Variants in BBS9 observed in about 807,000 individuals in gnomAD.
BBS9 encodes protein PTHB1.
A neutral mutation model predicts 117.7 loss-of-function variants in BBS9; 89 were observed. The observed-to-expected ratio is 0.76, with a 90% CI of 0.64 to 0.90. BBS9 has a LOEUF of 0.90. Among genes scored for constraint, BBS9 ranks in the 40% least tolerant of loss-of-function variants. The pLI, the probability that BBS9 is intolerant of heterozygous loss-of-function variation, is 0.00. For missense variants in BBS9, 982 were observed against 1,042.2 expected, an observed-to-expected ratio of 0.94 and a Z score of 0.80; for synonymous variants, 379 against 370.9, an observed-to-expected ratio of 1.02 and a Z score of -0.25.
At chr7:33,360,236 A>G (rs949982600) in intron 16 of BBS9, among the ~76,000 whole-genome samples, 2 of 152,068 alleles carry the variant, frequency 1.3e-5, no homozygotes, top group Non-Finnish European at 2.9e-5. Context: ...ATTATAGTTT[A>G]TTTGATGAAT....
intron 21 of BBS9, among the ~76,000 whole-genome samples, chr7:33,601,701 C>A (rs1863822485): frequency 6.6e-6 from 1 of 152,070 alleles, no homozygotes; most frequent in African/African-American, 2.4e-5. Flanking sequence ...AATTTGTGGA[C>A]TTACCTCCCA....
At chr7:33,209,277 A>T (rs1787561095) in intron 5 of BBS9, among the ~76,000 whole-genome samples, 1 of 152,196 alleles carries the variant, frequency 6.6e-6, no homozygotes, top group Non-Finnish European at 1.5e-5. Flanking sequence ...ACAGGATCTC[A>T]TTCTTTTTAT....
intron 20 of BBS9, among the ~76,000 whole-genome samples, chr7:33,524,398 A>T (rs1007472897): frequency 1.8e-4 from 28 of 152,160 alleles, no homozygotes; most frequent in Admixed American, 3.9e-4. Context: ...TTTGGTTGGT[A>T]AACTATTGAT....
At chr7:33,409,195 A>G (rs117616226) in intron 19 of BBS9, among the ~76,000 whole-genome samples, 1,539 of 152,152 alleles carry the variant, frequency 0.01, 8 homozygotes, top group Non-Finnish European at 0.018. Flanking sequence ...TTTTGTTGCA[A>G]TTGTGTTTGA....
At chr7:33,336,192 A>G (rs1584386150) in intron 9 of BBS9, among the ~76,000 whole-genome samples, 2 of 152,206 alleles carry the variant, frequency 1.3e-5, no homozygotes, top group Admixed American at 6.5e-5. Context: ...TAGGTCCCCA[A>G]AAGTGGTAGC....
chr7:33,471,941 C>A (rs933335375), intron 19 of BBS9, among the ~76,000 whole-genome samples: 1 of 152,270 alleles, frequency 6.6e-6, no homozygotes, highest in Middle Eastern at 3.4e-3. Flanking sequence ...TTTCTTCAGG[C>A]CAGATTGCCT....
chr7:33,144,859 T>C (rs927425288), intron 1 of BBS9, among the ~76,000 whole-genome samples: 12 of 152,332 alleles, frequency 7.9e-5, no homozygotes, highest in African/African-American at 2.6e-4. Flanking sequence ...ATTAAATGTG[T>C]TTTTGACTTA....
chr7:33,152,598 T>G (rs1484225874), intron 2 of BBS9, 103 bp from the exon 3 acceptor site: 1 of 1,155,754 alleles, frequency 8.7e-7, no homozygotes, highest in African/African-American at 1.6e-5. Flanking sequence ...CTGAATTCTT[T>G]TAATTTTTAG....
chr7:33,186,109 C>T (rs914221904), intron 5 of BBS9, among the ~76,000 whole-genome samples: 1 of 152,204 alleles, frequency 6.6e-6, no homozygotes, highest in East Asian at 1.9e-4. Flanking sequence ...CGCTTTCTAG[C>T]TGTGCTTCTC....
intron 19 of BBS9, among the ~76,000 whole-genome samples, chr7:33,492,776 C>T (rs575887372): frequency 2.8e-5 from 4 of 144,978 alleles, no homozygotes; most frequent in South Asian, 2.2e-4. Context: ...ACCTGATAGC[C>T]GTTTGTATAG....
chr7:33,171,608 T>A (rs184694935), intron 4 of BBS9, among the ~76,000 whole-genome samples: 69 of 152,314 alleles, frequency 4.5e-4, no homozygotes, highest in East Asian at 4.2e-3. Flanking sequence ...TTAGAAAGAT[T>A]TTTCTTCAAA....
At chr7:33,462,459 T>C (rs1319818911) in intron 19 of BBS9, among the ~76,000 whole-genome samples, 1 of 152,106 alleles carries the variant, frequency 6.6e-6, no homozygotes, top group African/African-American at 2.4e-5. Context: ...TTATTAGATA[T>C]CAGAAATGTT....
At chr7:33,483,538 G>C (rs1171322568) in intron 19 of BBS9, among the ~76,000 whole-genome samples, 1 of 151,834 alleles carries the variant, frequency 6.6e-6, no homozygotes, top group African/African-American at 2.4e-5. Flanking sequence ...TCCCATCAAG[G>C]TCATATCTAG....
intron 21 of BBS9, among the ~76,000 whole-genome samples, chr7:33,598,774 G>C (rs1464523945): frequency 6.6e-6 from 1 of 152,180 alleles, no homozygotes; most frequent in African/African-American, 2.4e-5. Flanking sequence ...GGATATTCTG[G>C]TAGTAGTATT....
chr7:33,372,982 G>A (rs1256737825), intron 17 of BBS9, among the ~76,000 whole-genome samples: 5 of 152,014 alleles, frequency 3.3e-5, no homozygotes, highest in Non-Finnish European at 2.9e-5. Flanking sequence ...TATTTCTGTA[G>A]TATCAGATGT....
intron 21 of BBS9, among the ~76,000 whole-genome samples, chr7:33,581,258 G>T (rs1327342041): frequency 6.6e-6 from 1 of 152,112 alleles, no homozygotes; most frequent in Admixed American, 6.6e-5. Flanking sequence ...TTTTCTAGTA[G>T]AATTAAATGA....
intron 4 of BBS9, among the ~76,000 whole-genome samples, chr7:33,169,889 GC>G (rs1796274453): frequency 6.6e-6 from 1 of 151,636 alleles, no homozygotes; most frequent in Non-Finnish European, 1.5e-5. Flanking sequence ...CCTTGCCCAT[GC>G]CTATGTTCTG....
chr7:33,518,550 A>G (rs964960666), intron 20 of BBS9, among the ~76,000 whole-genome samples: 1 of 152,074 alleles, frequency 6.6e-6, no homozygotes, highest in African/African-American at 2.4e-5. Context: ...CGCCCGGCCT[A>G]TATTCTTATA....
At chr7:33,266,737 A>G (rs566573917) in intron 7 of BBS9, among the ~76,000 whole-genome samples, 1 of 151,476 alleles carries the variant, frequency 6.6e-6, no homozygotes, top group African/African-American at 2.4e-5. Context: ...ATCTATATCT[A>G]TATTTATTTA....
Sources: allele counts gnomAD v4.1 joint callset (sites outside exome capture counted in the v4.1 genomes callset), GRCh38; gene constraint gnomAD v4.1.1; transcripts MANE v1.5; gene names NCBI Gene and HGNC (gene_info 2026-07-23, HGNC 2026-07-21).